Variants in NEB observed in about 807,000 individuals in gnomAD.
NEB encodes nemaline myopathy type 2.
In NEB, 512 loss-of-function variants were observed where a neutral mutation model predicts 952.2. That is an observed-to-expected ratio of 0.54 (90% CI 0.50 to 0.58). NEB has a LOEUF of 0.58. NEB is among the 20% of genes least tolerant of loss of function. The probability of loss-of-function intolerance (pLI) is 0.00; values close to 1 mark genes in which losing one functional copy is unlikely to be tolerated. For synonymous variants in NEB, 2,900 were observed against 3,149.8 expected (o/e 0.92, Z 2.66); for missense variants, 8,428 against 9,231.1 (o/e 0.91, Z 3.56).
At chr2:151,507,730 G>A (rs2070465239) in intron 162 of NEB, 1 of 365,620 alleles carries the variant, frequency 2.7e-6, no homozygotes, top group Admixed American at 4.1e-5. Flanking sequence ...TTGTTACAGG[G>A]GTTTTCGCCA....
chr2:151,650,229 G>A lies in NEB; in HGVS notation c.7378C>T (p.Pro2460Ser), dbSNP rs1360504212. 2.9e-5 allele frequency: 46 copies of A among 1,613,726 alleles called. No homozygotes were observed. Among genetic ancestry groups the A allele is most frequent in the Non-Finnish European group, 3.6e-5 (43 of 1,179,848 alleles). ...GCCAGAACTATATCCATGGCATCAG[G>A]AATGCTGGTGAACTTGTTTCTGTCT... ...PPDRNKFTSI[P>S]DAMDIVLAKT... Residue 2460 changes from proline (P) to serine (S), a missense_variant, in exon 54 of 182, where the codon CCT becomes TCT. Physicochemically the swap from Pro to Ser is moderately conservative, Grantham distance 74. Around this residue, in one of 11 missense-constraint regions of NEB, gnomAD observed 1,772 missense variants for 1,960.3 expected, o/e 0.90. Coordinates refer to ENST00000397345, the MANE Select transcript of NEB (RefSeq NM_001164508.2).
At chr2:151,533,395 C>T (rs2092278839) in intron 143 of NEB, 47 bp downstream of exon 143, 2 of 1,307,828 alleles carry the variant, frequency 1.5e-6, no homozygotes, top group Non-Finnish European at 1.1e-6. Context: ...GGGAATGCAT[C>T]CAAGACTTCT....
intron 18 of NEB, among the ~76,000 whole-genome samples, chr2:151,695,320 G>C (rs548609014): frequency 6.6e-6 from 1 of 152,272 alleles, no homozygotes; most frequent in South Asian, 2.1e-4. Flanking sequence ...AAGCATACAT[G>C]AGACGTAGCA....
At chr2:151,492,582 G>T in intron 176 of NEB, 88 bp from the exon 177 acceptor site, 1 of 953,998 alleles carries the variant, frequency 1.0e-6, no homozygotes, top group Non-Finnish European at 1.6e-6. Flanking sequence ...GATAGGAGCT[G>T]GTGAGGGACG....
intron 181 of NEB, among the ~76,000 whole-genome samples, chr2:151,487,089 G>A (rs2051257138): frequency 6.6e-6 from 1 of 152,266 alleles, no homozygotes; most frequent in East Asian, 1.9e-4. Flanking sequence ...TGACAGAAAA[G>A]ACAGAATATG....
rs766385695 is a variant in NEB at position 151,697,628 on chromosome 2, A to G, written c.1173T>C (p.Tyr391=). ...TTATGCTCTTTGCTTTTGTCTTTTC[A>G]TAGTTTTCCTTGTATAGTTTCTGTC... ...ALSDKLYKEN[Y]EKTKAKSINY... Residue 391 remains tyrosine (Y), a synonymous_variant, in exon 14 of 182, where the codon TAT becomes TAC. Coordinates refer to ENST00000397345, the MANE Select transcript of NEB (RefSeq NM_001164508.2). The G allele has an allele frequency of 1.2e-6, 2 of 1,610,436 alleles. No homozygotes were observed. Among genetic ancestry groups the G allele is most frequent in the East Asian group, 2.2e-5 (1 of 44,858 alleles).
intron 40 of NEB, among the ~76,000 whole-genome samples, chr2:151,667,281 A>C (rs1053029350): frequency 2.0e-5 from 3 of 151,924 alleles, no homozygotes; most frequent in South Asian, 2.1e-4. Context: ...GACTTTTTTC[A>C]TGACAAAATC....
At position 151,554,725 on chromosome 2, in the gene NEB, C is replaced by G. The variant is rs192420192; in HGVS notation, c.19428+206G>C. Reference sequence around the variant, plus strand: ...TGTACCTTTTCTATGTTTAGATACACAAATACTTGCCACTGTGTTACTGTT... The same window carrying G: ...TGTACCTTTTCTATGTTTAGATACAGAAATACTTGCCACTGTGTTACTGTT... On this transcript the variant is annotated intron_variant, in intron 125 of 181. Transcript: ENST00000397345. Among the ~76,000 whole-genome samples the G allele has an allele frequency of 7.9e-5, 12 of 152,260 alleles. No individual in the cohort carries two copies. The East Asian group carries it at 2.3e-3, about 29-fold the overall frequency.
At chr2:151,684,142 T>C (rs1490599278) in intron 28 of NEB, among the ~76,000 whole-genome samples, 2 of 152,196 alleles carry the variant, frequency 1.3e-5, no homozygotes, top group African/African-American at 2.4e-5. Flanking sequence ...AGATTGGTTG[T>C]ACAACAATGT....
At chr2:151,716,028 C>A (rs577514019) in intron 10 of NEB, 1 of 292,092 alleles carries the variant, frequency 3.4e-6, no homozygotes, top group Non-Finnish European at 6.8e-6. Context: ...AAATAGATTC[C>A]TTTTTCTTTC....
At chr2:151,521,974 T>C (rs962263558) in intron 153 of NEB, among the ~76,000 whole-genome samples, 9 of 152,168 alleles carry the variant, frequency 5.9e-5, no homozygotes, top group African/African-American at 1.9e-4. Context: ...AGTAATGTAG[T>C]AAAACTACAT....
At chr2:151,503,014 T>G in intron 166 of NEB, 129 bp from the exon 167 acceptor site, 1 of 627,582 alleles carries the variant, frequency 1.6e-6, no homozygotes, top group Non-Finnish European at 2.8e-6. Flanking sequence ...GTAAGGATAA[T>G]GTTTTTACTT....
intron 36 of NEB, among the ~76,000 whole-genome samples, chr2:151,673,515 T>C (rs2099325602): frequency 6.6e-6 from 1 of 151,786 alleles, no homozygotes; most frequent in Non-Finnish European, 1.5e-5. Flanking sequence ...ATGTATTTCA[T>C]AGTGATGTGC....
Position 151,541,470 on chromosome 2 carries a change from G to A in NEB, c.20659C>T (p.Arg6887Ter), listed in dbSNP as rs749452641. The change falls in exon 136 of 182, where the codon CGA (arginine) becomes TGA (stop). Residue 6887 changes from arginine to a stop codon, truncating the protein, a stop_gained. Transcript: ENST00000397345. LOFTEE classifies it high-confidence loss of function. ...ACCTGACTCTGAAGCTTCTGCCCTCGCTTGGCTCTTAAAAGATCAGGAGTA... is the reference window on the plus strand; with the variant it reads ...ACCTGACTCTGAAGCTTCTGCCCTCACTTGGCTCTTAAAAGATCAGGAGTA... The part of the protein sequence containing the change: ...PDTPDLLRAK[R>*]GQKLQSQYLY... The A allele has an allele frequency of 6.2e-6, 10 of 1,612,446 alleles. No homozygotes were observed. The highest frequency in any genetic ancestry group is 2.2e-5 in the East Asian group (1 of 44,830).
rs760246862 is a variant in NEB, at chr2:151,678,059, T to C, written c.3384A>G (p.Lys1128=). 1.9e-6 allele frequency: 3 copies of C among 1,613,896 alleles called. No individual in the cohort carries two copies. Among genetic ancestry groups the C allele is most frequent in the Admixed American group, 1.7e-5 (1 of 60,020 alleles). The change falls in exon 33 of 182, where the codon AAA becomes AAG. Residue 1128 remains lysine (K), a synonymous_variant. Transcript: ENST00000397345. ...AKIQSDREYK[K]DYEKTKSKYN... is the part of the protein sequence containing the mutation. The stretch of plus-strand genomic sequence containing the variant: ...ATTTGGACTTTGTCTTCTCATAGTC[T>C]TTTTTATACTCCCGATCTGATTGTA...
In NEB at chr2:151,549,749, A is replaced by T. The variant is rs779498844; in HGVS notation, c.19945-9T>A. 3 of 1,532,404 alleles carry T rather than the reference A, an allele frequency of 2.0e-6. No individual in the cohort carries two copies. The highest frequency in any genetic ancestry group is 8.9e-7 in the Non-Finnish European group (1 of 1,122,482). 94.9% of individuals were successfully genotyped at this position (1,532,404 alleles called of 1,614,324 possible). A position where few individuals can be genotyped will look rare whatever the true frequency, so the allele number is the denominator to read the frequency against. Reference sequence around the variant, plus strand: ...CTGGTTTTGTATAGATTCTGCAGGAATGAGGAAGAGCAGGTTAAATGACAT... The same window carrying T: ...CTGGTTTTGTATAGATTCTGCAGGATTGAGGAAGAGCAGGTTAAATGACAT... On this transcript the variant is annotated splice_polypyrimidine_tract_variant and intron_variant, in intron 129 of 181. Coordinates refer to ENST00000397345, the MANE Select transcript of NEB (RefSeq NM_001164508.2).
chr2:151,563,860 A>G lies in NEB; in HGVS notation c.18542T>C (p.Ile6181Thr), dbSNP rs764500250. Residue 6181 changes from isoleucine (I) to threonine (T), a missense_variant, in exon 118 of 182, where the codon ATT becomes ACT. This residue lies in a region of NEB where 3,374 missense variants were observed against 3,651.5 expected (regional missense o/e 0.92). Transcript: ENST00000397345. The stretch of plus-strand genomic sequence containing the variant: ...CAGATCAGCATGCTTGGCTCCAACA[A>G]TGGGAATGTAGCGCTCATCCAGGGT... The part of the protein sequence containing the change: ...GYTLDERYIP[I>T]VGAKHADLVN... 46 of 1,613,134 alleles carry G rather than the reference A, an allele frequency of 2.9e-5. No individual in the cohort carries two copies. Among genetic ancestry groups the G allele is most frequent in the Non-Finnish European group, 3.7e-5 (44 of 1,179,584 alleles).
intron 144 of NEB, 72 bp from the exon 145 acceptor site, chr2:151,531,173 G>GT: frequency 3.0e-6 from 3 of 1,008,230 alleles, no homozygotes; most frequent in East Asian, 2.6e-5. Context: ...TAAATGCAAA[G>GT]TTTTTTCCTG....
At position 151,657,947 on chromosome 2, in the gene NEB, A is replaced by C. The variant is rs758999184; in HGVS notation, c.6183+36T>G. 4.1e-6 allele frequency: 6 copies of C among 1,463,048 alleles called. No homozygotes were observed. The South Asian group carries it at 7.2e-5, about 18-fold the overall frequency. 90.6% of individuals were successfully genotyped at this position (1,463,048 alleles called of 1,614,324 possible). A position where few individuals can be genotyped will look rare whatever the true frequency, so the allele number is the denominator to read the frequency against. ...GCCCTTATTATTTCGGTTCCTTAGAAACCCCCAGCCAGGTGACCGTTTCCT... is the reference window on the plus strand; with the variant it reads ...GCCCTTATTATTTCGGTTCCTTAGACACCCCCAGCCAGGTGACCGTTTCCT... On this transcript the variant is annotated intron_variant, in intron 48 of 181. Transcript: ENST00000397345.
Sources: gnomAD v4.1 joint callset for allele counts (sites outside exome capture counted in the v4.1 genomes callset) on GRCh38, gnomAD v4.1.1 for gene constraint, gnomAD v4.1.1 regional missense constraint, MANE v1.5 for transcripts, NCBI Gene and HGNC (gene_info 2026-07-23, HGNC 2026-07-21) for gene names.